Variants in COPS5 observed in about 807,000 individuals in gnomAD.
COPS5 encodes the protein COP9 signalosome subunit 5.
COPS5 carries 8 observed loss-of-function variants against 44.4 expected under a neutral mutation model. The observed-to-expected ratio is 0.18, with a 90% CI of 0.11 to 0.32. The LOEUF is 0.32. Among genes scored for constraint, COPS5 ranks in the 10% least tolerant of loss-of-function variants. The pLI is 1.00. For missense variants in COPS5, 159 were observed against 406.4 expected (o/e 0.39, Z 5.23); for synonymous variants, 122 against 142.8 (o/e 0.85, Z 1.04).
intron 2 of COPS5, among the ~76,000 whole-genome samples, chr8:67,058,507 G>C (rs920667305): frequency 1.3e-5 from 2 of 151,992 alleles, no homozygotes; most frequent in Non-Finnish European, 2.9e-5. Flanking sequence ...TTTGGAGTTT[G>C]CTTCATATAA....
intron 7 of COPS5, chr8:67,044,871 A>G (rs1362842540): frequency 1.3e-5 from 2 of 152,348 alleles, no homozygotes; most frequent in African/African-American, 4.8e-5. Flanking sequence ...AAGTGCTGGG[A>G]TTACAGGTGT....
intron 3 of COPS5, 128 bp downstream of exon 3, chr8:67,057,955 T>G: frequency 1.1e-6 from 1 of 941,836 alleles, no homozygotes; most frequent in Non-Finnish European, 1.6e-6. Flanking sequence ...GAGATGGAAT[T>G]CACATTGAAA....
At position 67,058,191 on chromosome 8, in the gene COPS5, T is replaced by C. The variant is rs752597726; in HGVS notation, c.399A>G (p.Ala133=). The change falls in exon 3 of 8, where the codon GCA becomes GCG. Residue 133 remains alanine (A), a synonymous_variant. Coordinates refer to ENST00000357849, the MANE Select transcript of COPS5 (RefSeq NM_006837.3). ...CAGGGTGGCTATGATACCACCCGAT[T>C]GCATTTTCAAGGCGGCCAACCTAAC... is the stretch of plus-strand genomic sequence containing the variant. ...NAKQVGRLEN[A]IGWYHSHPGY... The C allele has an allele frequency of 6.2e-7, 1 of 1,613,734 alleles. No homozygotes were observed. Among genetic ancestry groups the C allele is most frequent in the Non-Finnish European group, 8.5e-7 (1 of 1,179,704 alleles).
chr8:67,060,574 G>A, intron 1 of COPS5: 5 of 1,132,844 alleles, frequency 4.4e-6, no homozygotes, highest in Non-Finnish European at 5.9e-6. Context: ...ACAAGTTACT[G>A]TGCTCCTATT....
At position 67,043,158 on chromosome 8, in the gene COPS5, G is replaced by C; in HGVS notation, c.*75C>G. The C allele has an allele frequency of 1.2e-6, 1 of 810,112 alleles. No homozygotes were observed. The highest frequency in any genetic ancestry group is 2.1e-6 in the Non-Finnish European group (1 of 482,876). The allele number at this position is 810,112 out of a possible 1,614,324, so 50.2% of individuals were successfully genotyped here. A position where few individuals can be genotyped will look rare whatever the true frequency, so the allele number is the denominator to read the frequency against. On this transcript the variant is annotated 3_prime_UTR_variant, in exon 8 of 8. Coordinates refer to ENST00000357849, the MANE Select transcript of COPS5 (RefSeq NM_006837.3). ...ACCTTATACTTCTAATCAGATTTTG[G>C]GTAACTGGTTTTAAAGTGTTACTTG...
rs200714859 is a variant in COPS5 at position 67,056,607 on chromosome 8, A to C, written c.574-3T>G. The C allele has an allele frequency of 2.1e-5, 22 of 1,072,190 alleles. No homozygotes were observed. In the East Asian group the frequency reaches 7.1e-4, roughly 34 times the overall value. The allele number at this position is 1,072,190 out of a possible 1,614,324, so 66.4% of individuals were successfully genotyped here. A position where few individuals can be genotyped will look rare whatever the true frequency, so the allele number is the denominator to read the frequency against. On this transcript the variant is annotated splice_polypyrimidine_tract_variant and splice_region_variant and intron_variant, in intron 4 of 7. Coordinates refer to ENST00000357849, the MANE Select transcript of COPS5 (RefSeq NM_006837.3). ...CCTTCATCAGGAGGTTTGTAGCCCT[A>C]AACAAAAATGAGGTAAACAGAAGAT...
chr8:67,057,044 A>G (rs1804524418), intron 4 of COPS5, among the ~76,000 whole-genome samples: 1 of 152,232 alleles, frequency 6.6e-6, no homozygotes, highest in Non-Finnish European at 1.5e-5. Context: ...CTTTTCCAGT[A>G]AAATTAACAA....
At position 67,045,872 on chromosome 8, in the gene COPS5, A is replaced by G. The variant is rs1816694045; in HGVS notation, c.860T>C (p.Leu287Ser). 2 of 1,614,074 alleles carry G rather than the reference A, an allele frequency of 1.2e-6. No homozygotes were observed. The highest frequency in any genetic ancestry group is 2.2e-5 in the East Asian group (1 of 44,896). ...TTTTCGGTCATGCGTTTCTAAACCC[A>G]ACATGAAACTCCCTCGTCCCAGCTG... ...EAQLGRGSFM[L>S]GLETHDRKSE... The change falls in exon 7 of 8, where the codon TTG becomes TCG. Residue 287 changes from leucine (L) to serine (S), a missense_variant. This residue lies in a region of COPS5 where 134 missense variants were observed against 376.7 expected (regional missense o/e 0.36). Transcript: ENST00000357849.
Position 67,058,064 on chromosome 8 carries a change from C to G in COPS5, c.507+19G>C, listed in dbSNP as rs762672203. The G allele has an allele frequency of 1.2e-5, 20 of 1,611,790 alleles. No individual in the cohort carries two copies. Among genetic ancestry groups the G allele is most frequent in the Non-Finnish European group, 1.7e-5 (20 of 1,178,068 alleles). On this transcript the variant is annotated intron_variant, in intron 3 of 7. Transcript: ENST00000357849. ...AATCTTCATAAAGAACTTAATTAAA[C>G]TGGTTTTAAAATTCTTACCACCACT...
chr8:67,050,767 GAAA>G (rs5892075), intron 6 of COPS5, among the ~76,000 whole-genome samples: 2 of 133,806 alleles, frequency 1.5e-5, no homozygotes, highest in East Asian at 2.1e-4. Flanking sequence ...CTAAGAGAAA[GAAA>G]AAAAAAAAAA....
chr8:67,058,446 C>T (rs1179439498), intron 2 of COPS5, among the ~76,000 whole-genome samples: 2 of 152,160 alleles, frequency 1.3e-5, no homozygotes, highest in Non-Finnish European at 2.9e-5. Context: ...CAATAGCATA[C>T]CACATAACAT....
intron 6 of COPS5, chr8:67,047,760 C>G (rs2129537755): frequency 2.8e-6 from 2 of 701,930 alleles, no homozygotes; most frequent in East Asian, 5.4e-5. Context: ...GTAGGTAGAT[C>G]TGCTTGCCTC....
At chr8:67,046,082 A>T (rs764133084) in intron 6 of COPS5, 122 bp from the exon 7 acceptor site, 8 of 948,004 alleles carry the variant, frequency 8.4e-6, no homozygotes, top group Non-Finnish European at 1.2e-5. Flanking sequence ...TCCACTGTAA[A>T]ATCTGAGTGA....
At position 67,043,329 on chromosome 8, in the gene COPS5, A is replaced by C. The variant is rs1195641883; in HGVS notation, c.921-12T>G. On this transcript the variant is annotated splice_polypyrimidine_tract_variant and intron_variant, in intron 7 of 7. Transcript: ENST00000357849. ...TGGTAGTTTTACAGCTGGAAAAAAAAACACACATCACATGATGTCATAAAT... is the reference window on the plus strand; with the variant it reads ...TGGTAGTTTTACAGCTGGAAAAAAACACACACATCACATGATGTCATAAAT... The C allele has an allele frequency of 1.3e-6, 2 of 1,528,896 alleles. No homozygotes were observed. The highest frequency in any genetic ancestry group is 1.8e-6 in the Non-Finnish European group (2 of 1,108,294). The allele number at this position is 1,528,896 out of a possible 1,614,324, so 94.7% of individuals were successfully genotyped here. A position where few individuals can be genotyped will look rare whatever the true frequency, so the allele number is the denominator to read the frequency against.
At chr8:67,061,409 G>A (rs1804620443) in intron 1 of COPS5, 1 of 452,728 alleles carries the variant, frequency 2.2e-6, no homozygotes, top group Non-Finnish European at 4.4e-6. Flanking sequence ...GAGCAACACA[G>A]CGAGGACCCA....
rs1214911264 is a variant in COPS5 at position 67,060,278 on chromosome 8, T to C, written c.144-833A>G. 31 of 1,057,432 alleles carry C rather than the reference T, an allele frequency of 2.9e-5. No individual in the cohort carries two copies. The East Asian group carries it at 1.9e-3, about 65-fold the overall frequency. The allele number at this position is 1,057,432 out of a possible 1,614,324, so 65.5% of individuals were successfully genotyped here. A position where few individuals can be genotyped will look rare whatever the true frequency, so the allele number is the denominator to read the frequency against. On this transcript the variant is annotated intron_variant, in intron 1 of 7. Coordinates refer to ENST00000357849, the MANE Select transcript of COPS5 (RefSeq NM_006837.3). ...TATAATTAGAGCCACAATTAGACAG[T>C]GAGGCAGGCCAACAGTTTCCAAATA...
intron 6 of COPS5, among the ~76,000 whole-genome samples, chr8:67,050,203 G>T (rs1031283284): frequency 6.6e-6 from 1 of 151,846 alleles, no homozygotes; most frequent in African/African-American, 2.4e-5. Flanking sequence ...GGGTTTCACC[G>T]TGTTAGCCAG....
At chr8:67,043,420 T>C (rs80305712) in intron 7 of COPS5, 103 bp from the exon 8 acceptor site, 2 of 635,256 alleles carry the variant, frequency 3.1e-6, no homozygotes, top group African/African-American at 3.8e-5. Context: ...GAGTTTAGTT[T>C]TATTCATACT....
chr8:67,059,504 G>A (rs1804555922), intron 1 of COPS5, 59 bp from the exon 2 acceptor site: 4 of 1,281,836 alleles, frequency 3.1e-6, no homozygotes, highest in African/African-American at 1.5e-5. Context: ...TTTCAGAAAA[G>A]TTTTTATGAA....
Sources: gnomAD v4.1 joint callset for allele counts (sites outside exome capture counted in the v4.1 genomes callset) on GRCh38, gnomAD v4.1.1 for gene constraint, gnomAD v4.1.1 regional missense constraint, MANE v1.5 for transcripts, NCBI Gene and HGNC (gene_info 2026-07-23, HGNC 2026-07-21) for gene names.